The following RARB variants were observed in gnomAD, a reference collection of about 807,000 sequenced individuals.
RARB encodes retinoic acid receptor beta, also known as HBV-activated protein.
A neutral mutation model predicts 51.9 loss-of-function variants in RARB; 17 were observed. The observed-to-expected ratio is 0.33, with a 90% CI of 0.22 to 0.49. The LOEUF is 0.49. RARB is among the 20% of genes least tolerant of loss of function. The pLI is 0.99. For synonymous variants in RARB, 215 were observed against 195.4 expected (o/e 1.10, Z -0.84); for missense variants, 369 against 550.8 (o/e 0.67, Z 3.30).
At chr3:25,475,528 A>T (rs919563818) in intron 2 of RARB, among the ~76,000 whole-genome samples, 1 of 152,214 alleles carries the variant, frequency 6.6e-6, no homozygotes, top group African/African-American at 2.4e-5. Context: ...GAATATATAA[A>T]ACAGAATTTA....
At chr3:25,430,653 ATGTGTCATTCGC>A (rs1708167307) in intron 1 of RARB, among the ~76,000 whole-genome samples, 1 of 152,224 alleles carries the variant, frequency 6.6e-6, no homozygotes, top group East Asian at 1.9e-4. Context: ...CGAGCGGTGA[ATGTGTCATTCGC>A]CTAAAACTAC....
At chr3:24,830,722 C>A (rs1448632362) in intron 1 of RARB, among the ~76,000 whole-genome samples, 6 of 151,226 alleles carry the variant, frequency 4.0e-5, no homozygotes, top group African/African-American at 1.5e-4. Flanking sequence ...CCCTGTCCTG[C>A]CAGTTATGGA....
At chr3:25,157,232 G>T (rs956511649) in intron 4 of RARB, among the ~76,000 whole-genome samples, 1 of 152,026 alleles carries the variant, frequency 6.6e-6, no homozygotes, top group Non-Finnish European at 1.5e-5. Context: ...GCTTAAACAT[G>T]CTTAAACTTA....
chr3:25,247,408 C>T (rs578116581), intron 5 of RARB, among the ~76,000 whole-genome samples: 9 of 152,312 alleles, frequency 5.9e-5, no homozygotes, highest in Non-Finnish European at 7.3e-5. Context: ...TCTGTCCAAA[C>T]GGCCACCCAG....
intron 2 of RARB, among the ~76,000 whole-genome samples, chr3:25,471,662 G>A (rs1472747762): frequency 1.3e-5 from 2 of 151,998 alleles, no homozygotes; most frequent in African/African-American, 4.8e-5. Flanking sequence ...GTTTTAAGAG[G>A]CTTATAAATT....
At chr3:25,344,658 C>A (rs75225035) in intron 5 of RARB, among the ~76,000 whole-genome samples, 1 of 152,160 alleles carries the variant, frequency 6.6e-6, no homozygotes, top group Non-Finnish European at 1.5e-5. Context: ...CACAGCTTGG[C>A]AAGCTCCTCA....
intron 5 of RARB, among the ~76,000 whole-genome samples, chr3:25,394,705 TATAAG>T (rs1375558994): frequency 6.6e-6 from 1 of 152,182 alleles, no homozygotes; most frequent in Non-Finnish European, 1.5e-5. Context: ...TTTTGTCTGA[TATAAG>T]AAAAGCTAGT....
intron 5 of RARB, among the ~76,000 whole-genome samples, chr3:25,276,494 G>A (rs770410722): frequency 2.0e-5 from 3 of 152,144 alleles, no homozygotes; most frequent in Non-Finnish European, 4.4e-5. Context: ...CCAAAATGAA[G>A]CAAAATATAA....
intron 2 of RARB, among the ~76,000 whole-genome samples, chr3:24,884,660 G>A (rs1467076656): frequency 2.0e-5 from 3 of 152,016 alleles, no homozygotes; most frequent in Non-Finnish European, 4.4e-5. Context: ...AGATTTCTTT[G>A]TGAAAGCTCT....
chr3:25,276,342 G>C (rs530599749), intron 5 of RARB, among the ~76,000 whole-genome samples: 1 of 152,160 alleles, frequency 6.6e-6, no homozygotes, highest in South Asian at 2.1e-4. Flanking sequence ...CGTTATGTAA[G>C]CTAACTACCC....
chr3:24,991,169 G>A (rs544525652), intron 2 of RARB, among the ~76,000 whole-genome samples: 9 of 152,266 alleles, frequency 5.9e-5, no homozygotes, highest in East Asian at 1.9e-4. Flanking sequence ...GGTTAGGCAC[G>A]GTGACTCACG....
intron 5 of RARB, among the ~76,000 whole-genome samples, chr3:25,332,234 G>T (rs1704921436): frequency 1.3e-5 from 2 of 151,960 alleles, no homozygotes; most frequent in African/African-American, 2.4e-5. Context: ...AAAGAGAATT[G>T]TAGACCAATA....
intron 5 of RARB, among the ~76,000 whole-genome samples, chr3:25,191,291 G>A (rs1158762623): frequency 6.6e-6 from 1 of 152,090 alleles, no homozygotes; most frequent in Non-Finnish European, 1.5e-5. Flanking sequence ...TTGAATGAAA[G>A]CTCCCCTTAG....
At chr3:25,000,516 CT>C (rs1553622170) in intron 2 of RARB, among the ~76,000 whole-genome samples, 1 of 152,050 alleles carries the variant, frequency 6.6e-6, no homozygotes, top group Non-Finnish European at 1.5e-5. Context: ...CTTCTTTGAC[CT>C]GCGAGGCTGA....
chr3:25,511,166 T>G (rs898703387), intron 3 of RARB, among the ~76,000 whole-genome samples: 1 of 152,024 alleles, frequency 6.6e-6, no homozygotes, highest in Non-Finnish European at 1.5e-5. Context: ...GGCGTCTTGC[T>G]CTGTTGCCCA....
chr3:25,049,928 A>T (rs1698292636), intron 2 of RARB, among the ~76,000 whole-genome samples: 1 of 152,218 alleles, frequency 6.6e-6, no homozygotes. Context: ...AAAGGGAAAG[A>T]CACGTAGACG....
intron 5 of RARB, among the ~76,000 whole-genome samples, chr3:25,348,648 G>C (rs1056079357): frequency 6.6e-6 from 1 of 152,210 alleles, no homozygotes; most frequent in Non-Finnish European, 1.5e-5. Context: ...ACAACTTACA[G>C]AGCAGATAAG....
intron 5 of RARB, among the ~76,000 whole-genome samples, chr3:25,211,525 C>T (rs1413269832): frequency 6.6e-6 from 1 of 152,162 alleles, no homozygotes; most frequent in African/African-American, 2.4e-5. Context: ...CCAAAAAATA[C>T]ATAGAACATT....
intron 2 of RARB, among the ~76,000 whole-genome samples, chr3:25,024,704 C>T (rs1164979873): frequency 1.3e-5 from 2 of 152,098 alleles, no homozygotes; most frequent in South Asian, 4.1e-4. Flanking sequence ...GTAATCCCAG[C>T]ACTTTGGGAG....
Sources: gnomAD v4.1 joint callset for allele counts (sites outside exome capture counted in the v4.1 genomes callset) on GRCh38, gnomAD v4.1.1 for gene constraint, MANE v1.5 for transcripts, NCBI Gene and HGNC (gene_info 2026-07-23, HGNC 2026-07-21) for gene names.